Variants in ZNF800 observed in about 807,000 individuals in gnomAD.
ZNF800 encodes the protein zinc finger protein 800.
A neutral mutation model predicts 59.5 loss-of-function variants in ZNF800; 13 were observed. That is an observed-to-expected ratio of 0.22 (90% CI 0.14 to 0.35). The LOEUF is 0.35. ZNF800 is among the 10% of genes least tolerant of loss of function. ZNF800 has a pLI of 1.00. For synonymous variants in ZNF800, 266 were observed against 265.7 expected (o/e 1.00, Z -0.01); for missense variants, 621 against 783.7 (o/e 0.79, Z 2.48).
At chr7:127,345,926 C>T (rs1323471988), downstream of ZNF800, among the ~76,000 whole-genome samples, 1 of 151,932 alleles carries the variant, frequency 6.6e-6, no homozygotes, top group Non-Finnish European at 1.5e-5. Context: ...AAGACGTGCA[C>T]GAGGGAAGGT....
chr7:127,379,852 A>ACACCCC (rs1800911193), intron 3 of ZNF800, among the ~76,000 whole-genome samples: 1 of 16,164 alleles, frequency 6.2e-5, no homozygotes, highest in Non-Finnish European at 1.2e-4. Flanking sequence ...CCACCCCCCC[A>ACACCCC]CCCCCCCCAC....
In ZNF800 at chr7:127,373,568, C is replaced by T; in HGVS notation, c.1768G>A (p.Asp590Asn). Residue 590 changes from aspartate (D) to asparagine (N), a missense_variant, in exon 5 of 6, where the codon GAT (aspartate) becomes AAT (asparagine). By Grantham distance (23) the Asp-to-Asn change is conservative. Around this residue, in one of 7 missense-constraint regions of ZNF800, gnomAD observed 94 missense variants for 108.5 expected, o/e 0.87. Transcript: ENST00000265827. ...DEAKHSDSKHDGTSNSPSKKY... is the reference protein window; with the variant it reads ...DEAKHSDSKHNGTSNSPSKKY... ...TTACTAGGAGAGTTAGAAGTGCCAT[C>T]ATGTTTTGAATCACTATGTTTTGCT... 2 of 1,614,146 alleles carry T rather than the reference C, an allele frequency of 1.2e-6. No homozygotes were observed. Among genetic ancestry groups the T allele is most frequent in the East Asian group, 2.2e-5 (1 of 44,876 alleles).
intron 1 of ZNF800, among the ~76,000 whole-genome samples, chr7:127,355,243 T>C (rs1013956467): frequency 6.6e-6 from 1 of 151,954 alleles, no homozygotes; most frequent in African/African-American, 2.4e-5. Context: ...AATAGAAAGC[T>C]TAGACCAGGA....
At chr7:127,354,391 A>G (rs948262726) in intron 1 of ZNF800, among the ~76,000 whole-genome samples, 1 of 152,154 alleles carries the variant, frequency 6.6e-6, no homozygotes, top group African/African-American at 2.4e-5. Flanking sequence ...CAGTTGTTTA[A>G]TAATAATAGG....
chr7:127,376,808 C>T (rs1800799639), intron 4 of ZNF800, among the ~76,000 whole-genome samples: 1 of 151,898 alleles, frequency 6.6e-6, no homozygotes, highest in South Asian at 2.1e-4. Flanking sequence ...TGATCAATCA[C>T]ATCTGGTTGC....
chr7:127,367,080 A>T (rs1800524637), downstream of ZNF800, among the ~76,000 whole-genome samples: 1 of 152,130 alleles, frequency 6.6e-6, no homozygotes, highest in African/African-American at 2.4e-5. Context: ...GCAGCAGAGA[A>T]GCAATACTTC....
intron 1 of ZNF800, among the ~76,000 whole-genome samples, chr7:127,356,031 T>C (rs1800263637): frequency 6.6e-6 from 1 of 152,038 alleles, no homozygotes; most frequent in African/African-American, 2.4e-5. Flanking sequence ...CCAGTTTTAC[T>C]TTGCCATTGA....
intron 2 of ZNF800, 70 bp downstream of exon 2, chr7:127,391,427 G>C (rs1801311075): frequency 6.8e-7 from 1 of 1,475,272 alleles, no homozygotes; most frequent in Non-Finnish European, 9.5e-7. Context: ...AGGAAAAAAA[G>C]CTAGAAAAAA....
chr7:127,361,467 G>C (rs1319513364), intron 1 of ZNF800: 1 of 151,998 alleles, frequency 6.6e-6, no homozygotes, highest in Non-Finnish European at 1.5e-5. Context: ...TTGTATCCCA[G>C]CTACTCAGGA....
At chr7:127,368,227 T>G (rs1800553442), downstream of ZNF800, among the ~76,000 whole-genome samples, 1 of 152,100 alleles carries the variant, frequency 6.6e-6, no homozygotes, top group Admixed American at 6.6e-5. Flanking sequence ...AAAGCCAAAA[T>G]AATTGTAGGT....
intron 5 of ZNF800, 123 bp from the exon 6 acceptor site, chr7:127,371,937 A>T (rs1302208508): frequency 1.7e-6 from 1 of 598,680 alleles, no homozygotes; most frequent in Non-Finnish European, 3.0e-6. Flanking sequence ...ACACAAATAA[A>T]AAAACGTGTG....
intron 3 of ZNF800, among the ~76,000 whole-genome samples, chr7:127,383,461 T>A (rs1464196889): frequency 6.6e-6 from 1 of 152,186 alleles, no homozygotes; most frequent in Non-Finnish European, 1.5e-5. Flanking sequence ...ATGCAACGTG[T>A]GTGACCTAAT....
At chr7:127,346,588 G>C (rs944336170), downstream of ZNF800, among the ~76,000 whole-genome samples, 8 of 152,210 alleles carry the variant, frequency 5.3e-5, no homozygotes. Context: ...CTGATAAACA[G>C]TGGGGAAAAA....
intron 3 of ZNF800, among the ~76,000 whole-genome samples, chr7:127,384,438 G>A (rs1267451284): frequency 1.3e-5 from 2 of 151,424 alleles, no homozygotes; most frequent in Non-Finnish European, 2.9e-5. Context: ...GTTTCACCGT[G>A]TTAGCCAGGA....
At chr7:127,385,039 A>C (rs1450359494) in intron 3 of ZNF800, among the ~76,000 whole-genome samples, 12 of 152,220 alleles carry the variant, frequency 7.9e-5, no homozygotes, top group African/African-American at 2.9e-4. Context: ...GAGAAAAAAT[A>C]AATGTTTTAA....
chr7:127,368,325 C>T (rs188853795), downstream of ZNF800, among the ~76,000 whole-genome samples: 24 of 152,200 alleles, frequency 1.6e-4, no homozygotes, highest in African/African-American at 5.8e-4. Context: ...AATTGCTGAT[C>T]CTTATTCCTT....
intron 2 of ZNF800, among the ~76,000 whole-genome samples, chr7:127,390,625 T>C (rs1801279016): frequency 6.6e-6 from 1 of 152,182 alleles, no homozygotes. Context: ...AGCAAATGTA[T>C]TAAAAATCTA....
chr7:127,392,007 T>G (rs1801340203), intron 1 of ZNF800, 53 bp downstream of exon 1: 1 of 385,620 alleles, frequency 2.6e-6, no homozygotes, highest in African/African-American at 2.1e-5. Context: ...GCACGTGCGT[T>G]GGGGTCTCCC....
At chr7:127,359,910 C>T (rs1354617916) in intron 1 of ZNF800, 1 of 103,678 alleles carries the variant, frequency 9.6e-6, no homozygotes, top group Non-Finnish European at 1.9e-5. Context: ...AGATACACCA[C>T]ACTTAAATGA....
Sources: gnomAD v4.1 joint callset for allele counts (sites outside exome capture counted in the v4.1 genomes callset) on GRCh38, gnomAD v4.1.1 for gene constraint, gnomAD v4.1.1 regional missense constraint, MANE v1.5 for transcripts, NCBI Gene and HGNC (gene_info 2026-07-23, HGNC 2026-07-21) for gene names.